LOC400499: variants seen among roughly 807,000 people sequenced by gnomAD.
chr16:11,384,657 G>T, the LOC400499 span, among the ~76,000 whole-genome samples: 7 of 152,324 alleles, frequency 4.6e-5, no homozygotes, highest in African/African-American at 1.7e-4. Flanking sequence ...CTGGAGCCGC[G>T]TGTCCCACGG....
chr16:11,523,726 T>C, the LOC400499 span: 2 of 340,544 alleles, frequency 5.9e-6, no homozygotes, highest in Non-Finnish European at 1.1e-5. Context: ...AAGCTGCCAA[T>C]CATTCGTGCT....
chr16:11,502,172 G>A, the LOC400499 span: 1 of 399,010 alleles, frequency 2.5e-6, no homozygotes, highest in Non-Finnish European at 4.4e-6. Context: ...TCAGGAACAA[G>A]TCCATGGCCT....
the LOC400499 span, among the ~76,000 whole-genome samples, chr16:11,396,062 C>T: frequency 2.7e-4 from 41 of 152,332 alleles, no homozygotes; most frequent in African/African-American, 8.4e-4. Context: ...CAAATACTTA[C>T]GTAGTGGCTG....
At chr16:11,411,701 A>C in the LOC400499 span, among the ~76,000 whole-genome samples, 3 of 151,930 alleles carry the variant, frequency 2.0e-5, no homozygotes, top group Non-Finnish European at 4.4e-5. Context: ...TCCATCAATG[A>C]GCTTTCTTGG....
the LOC400499 span, among the ~76,000 whole-genome samples, chr16:11,515,229 T>C: frequency 1.3e-5 from 2 of 151,944 alleles, no homozygotes; most frequent in Non-Finnish European, 2.9e-5. Flanking sequence ...GAGGATCACT[T>C]GAGCTCAGGA....
At chr16:11,506,364 C>T in the LOC400499 span, among the ~76,000 whole-genome samples, 1 of 152,226 alleles carries the variant, frequency 6.6e-6, no homozygotes. Flanking sequence ...AACAACCAGC[C>T]TGTGGGACAT....
At chr16:11,391,758 A>G in the LOC400499 span, 1 of 1,232,186 alleles carries the variant, frequency 8.1e-7, no homozygotes, top group Non-Finnish European at 1.0e-6. Flanking sequence ...CCGGGCCCAC[A>G]AAGTGGCTAC....
At chr16:11,401,423 A>T in the LOC400499 span, 1 of 399,492 alleles carries the variant, frequency 2.5e-6, no homozygotes, top group Admixed American at 4.4e-5. Flanking sequence ...AGGGAGACAG[A>T]CTCAGCCAGT....
the LOC400499 span, chr16:11,471,550 A>G: frequency 2.5e-6 from 1 of 398,714 alleles, no homozygotes; most frequent in Non-Finnish European, 4.4e-6. Flanking sequence ...GCACAGCCCA[A>G]CAGCCCCAGA....
chr16:11,378,015 A>G, the LOC400499 span, among the ~76,000 whole-genome samples: 1 of 152,122 alleles, frequency 6.6e-6, no homozygotes, highest in African/African-American at 2.4e-5. Flanking sequence ...TTTCTGCTCT[A>G]AACTTTATTA....
At chr16:11,433,825 G>T in the LOC400499 span, among the ~76,000 whole-genome samples, 7 of 152,230 alleles carry the variant, frequency 4.6e-5, no homozygotes, top group African/African-American at 1.4e-4. Context: ...CCCAGAGAGG[G>T]CGGGGAAGCC....
chr16:11,493,453 G>C, the LOC400499 span, among the ~76,000 whole-genome samples: 1 of 152,144 alleles, frequency 6.6e-6, no homozygotes, highest in Non-Finnish European at 1.5e-5. Flanking sequence ...TTGTGTTTTT[G>C]ATAAATAATC....
At chr16:11,488,917 G>A in the LOC400499 span, 1 of 398,568 alleles carries the variant, frequency 2.5e-6, no homozygotes. Context: ...AAAGGGCCAG[G>A]AGCTGGCGCT....
the LOC400499 span, among the ~76,000 whole-genome samples, chr16:11,405,316 T>C: frequency 0.24 from 36,258 of 152,180 alleles, 4,877 homozygotes; most frequent in Admixed American, 0.44. Flanking sequence ...GCAGGTATCA[T>C]GCTCCCAAGC....
chr16:11,408,974 T>C, the LOC400499 span, among the ~76,000 whole-genome samples: 1 of 151,826 alleles, frequency 6.6e-6, no homozygotes, highest in African/African-American at 2.4e-5. Flanking sequence ...AATAAAATGT[T>C]GGGGGGCCAG....
At chr16:11,448,129 C>G in the LOC400499 span, 23 of 1,502,678 alleles carry the variant, frequency 1.5e-5, no homozygotes, top group Middle Eastern at 1.4e-3. Flanking sequence ...AAGCTGCAGA[C>G]CTGCCTTGCA....
At chr16:11,509,035 G>T in the LOC400499 span, among the ~76,000 whole-genome samples, 2 of 152,080 alleles carry the variant, frequency 1.3e-5, no homozygotes, top group Non-Finnish European at 2.9e-5. Context: ...CCTAAGATGG[G>T]AAGCACCTAT....
At chr16:11,387,526 C>G in the LOC400499 span, among the ~76,000 whole-genome samples, 1 of 152,120 alleles carries the variant, frequency 6.6e-6, no homozygotes, top group Non-Finnish European at 1.5e-5. Flanking sequence ...AACAAGCTGC[C>G]CCATTTTGAG....
At chr16:11,403,028 C>T in the LOC400499 span, among the ~76,000 whole-genome samples, 28 of 152,244 alleles carry the variant, frequency 1.8e-4, no homozygotes, top group East Asian at 1.7e-3. Context: ...ATGGCCTCCA[C>T]ACCCCGGGTT....
Sources: gnomAD v4.1 joint callset for allele counts (sites outside exome capture counted in the v4.1 genomes callset) on GRCh38, gnomAD v4.1.1 for gene constraint, MANE v1.5 for transcripts.